Variants in OR51M1 observed in about 807,000 individuals in gnomAD.
OR51M1 encodes the protein olfactory receptor 51M1.
For missense variants in OR51M1, 509 were observed against 404.4 expected (o/e 1.26, Z -2.22); for synonymous variants, 199 against 155.1 (o/e 1.28, Z -2.10).
In OR51M1 at chr11:5,391,590, T is replaced by G. The variant is rs543157843; in HGVS notation, c.*1211T>G. On this transcript the variant is annotated 3_prime_UTR_variant, in exon 3 of 3. Transcript: ENST00000642046. ...AGAGCTAACAGAAGTTCTCTTCTTGTCTCGAGGAACTCCTCCTCTTCACAT... is the reference window on the plus strand; with the variant it reads ...AGAGCTAACAGAAGTTCTCTTCTTGGCTCGAGGAACTCCTCCTCTTCACAT... 7.9e-5 allele frequency: 12 copies of G among 152,336 alleles called. No homozygotes were observed. The highest frequency in any genetic ancestry group is 2.9e-4 in the African/African-American group (12 of 41,566). The allele number at this position is 152,336 out of a possible 1,614,324, so 9.4% of individuals were successfully genotyped here. A position where few individuals can be genotyped will look rare whatever the true frequency, so the allele number is the denominator to read the frequency against.
At position 5,393,148 on chromosome 11, in the gene OR51M1, T is replaced by C. The variant is rs1015386483; in HGVS notation, c.*2769T>C. 3.9e-5 allele frequency: 6 copies of C among 152,194 alleles called. No individual in the cohort carries two copies. The highest frequency in any genetic ancestry group is 1.4e-4 in the African/African-American group (6 of 41,456). 9.4% of individuals were successfully genotyped at this position (152,194 alleles called of 1,614,324 possible). On this transcript the variant is annotated 3_prime_UTR_variant, in exon 3 of 3. Coordinates refer to ENST00000642046, the MANE Select transcript of OR51M1 (RefSeq NM_001004756.3). ...GATGTAAGCTGTTTGTGGCAAAATT[T>C]TTTTCCTGTTTGCTCACAGTTCTAA... is the stretch of plus-strand genomic sequence containing the variant.
chr11:5,384,209 C>T (rs1849651507), intron 1 of OR51M1, among the ~76,000 whole-genome samples: 1 of 152,024 alleles, frequency 6.6e-6, no homozygotes, highest in African/African-American at 2.4e-5. Context: ...AGGTCTAGCT[C>T]TGTTACCCAG....
chr11:5,390,252 ATCT>A lies in OR51M1; in HGVS notation c.859_861del (p.Leu287del), dbSNP rs749099661. The A allele has an allele frequency of 2.5e-6, 4 of 1,613,946 alleles. No homozygotes were observed. Among genetic ancestry groups the A allele is most frequent in the South Asian group, 2.2e-5 (2 of 91,072 alleles). On this transcript the variant is annotated inframe_deletion, in exon 3 of 3. Coordinates refer to ENST00000642046, the MANE Select transcript of OR51M1 (RefSeq NM_001004756.3). ...GGGAAGCATGCCCCACCTGCTATTC[ATCT>A]TCTTATGGCCAATGTCTACCTTTTT... is the stretch of plus-strand genomic sequence containing the variant.
intron 2 of OR51M1, among the ~76,000 whole-genome samples, chr11:5,387,641 A>G (rs1250727805): frequency 2.0e-5 from 3 of 152,132 alleles, no homozygotes; most frequent in African/African-American, 7.2e-5. Context: ...TGCTTCCTCC[A>G]TTGAATATAC....
At position 5,384,637 on chromosome 11, in the gene OR51M1, G is replaced by A. The variant is rs150619539; in HGVS notation, c.-121-716G>A. 2.2e-3 allele frequency among the ~76,000 whole-genome samples: 329 copies of A among 152,240 alleles called. 10 individuals are homozygous for A. In the East Asian group the frequency reaches 0.052, roughly 24 times the overall value. On this transcript the variant is annotated intron_variant, in intron 1 of 2. Coordinates refer to ENST00000642046, the MANE Select transcript of OR51M1 (RefSeq NM_001004756.3). Reference sequence around the variant, plus strand: ...TCTGGTCTCTATACTCTTTCCTGCCGAGCCATCTGGTATACACACCCTCTC... The same window carrying A: ...TCTGGTCTCTATACTCTTTCCTGCCAAGCCATCTGGTATACACACCCTCTC...
intron 2 of OR51M1, among the ~76,000 whole-genome samples, chr11:5,388,465 G>A (rs1159444652): frequency 6.6e-6 from 1 of 150,726 alleles, no homozygotes; most frequent in Admixed American, 6.7e-5. Context: ...AAGTTAACTA[G>A]ACAAAGATTA....
chr11:5,385,960 A>T (rs1200067572), intron 2 of OR51M1, among the ~76,000 whole-genome samples: 1 of 149,654 alleles, frequency 6.7e-6, no homozygotes, highest in African/African-American at 2.4e-5. Flanking sequence ...ATATATCAAT[A>T]AGTATATATA....
At position 5,390,434 on chromosome 11, in the gene OR51M1, G is replaced by A; in HGVS notation, c.*55G>A. ...CTATAAGAAGGCCCCAAATTGGACTGAAAATTTGGAGTATTGAGTATATAG... is the reference window on the plus strand; with the variant it reads ...CTATAAGAAGGCCCCAAATTGGACTAAAAATTTGGAGTATTGAGTATATAG... On this transcript the variant is annotated 3_prime_UTR_variant, in exon 3 of 3. Transcript: ENST00000642046. 6.3e-6 allele frequency: 9 copies of A among 1,431,584 alleles called. No homozygotes were observed. Among genetic ancestry groups the A allele is most frequent in the South Asian group, 1.4e-5 (1 of 70,610 alleles). The allele number at this position is 1,431,584 out of a possible 1,614,324, so 88.7% of individuals were successfully genotyped here.
At chr11:5,387,206 G>A (rs1024368900) in intron 2 of OR51M1, among the ~76,000 whole-genome samples, 1 of 152,112 alleles carries the variant, frequency 6.6e-6, no homozygotes, top group Non-Finnish European at 1.5e-5. Context: ...AAGAGAACCA[G>A]CAGATCTTGG....
Position 5,390,141 on chromosome 11 carries a change from G to A in OR51M1, c.743G>A (p.Arg248His), listed in dbSNP as rs181392844. The A allele has an allele frequency of 1.3e-4, 204 of 1,613,784 alleles. No homozygotes were observed. In the Admixed American group the frequency reaches 2.8e-3, roughly 22 times the overall value. ...AGLASQEEQR[R>H]AFQTCTAPLC... ...CTGGCCTCCCAAGAGGAGCAGCGCCGTGCCTTTCAGACATGCACCGCTCCT... is the reference window on the plus strand; with the variant it reads ...CTGGCCTCCCAAGAGGAGCAGCGCCATGCCTTTCAGACATGCACCGCTCCT... The change falls in exon 3 of 3, where the codon CGT becomes CAT. Residue 248 changes from arginine to histidine, a missense_variant. Coordinates refer to ENST00000642046, the MANE Select transcript of OR51M1 (RefSeq NM_001004756.3).
In OR51M1 at chr11:5,390,971, A is replaced by G. The variant is rs1849786140; in HGVS notation, c.*592A>G. 6.6e-6 allele frequency: 1 copy of G among 152,430 alleles called. No homozygotes were observed. Among genetic ancestry groups the G allele is most frequent in the Non-Finnish European group, 1.5e-5 (1 of 68,266 alleles). The allele number at this position is 152,430 out of a possible 1,614,324, so 9.4% of individuals were successfully genotyped here. On this transcript the variant is annotated 3_prime_UTR_variant, in exon 3 of 3. Transcript: ENST00000642046. ...TAAGGTTGTGCTCTCTCCTGACCAT[A>G]TTCCTCTAGAAGAAGAGACTTTGAT...
rs116535306 is a variant in OR51M1 at position 5,389,416 on chromosome 11, G to A, written c.18G>A (p.Ser6=). The change falls in exon 3 of 3, where the codon TCG becomes TCA. Residue 6 remains serine, a synonymous_variant. Coordinates refer to ENST00000642046, the MANE Select transcript of OR51M1 (RefSeq NM_001004756.3). Reference sequence around the variant, plus strand: ...CCCGAGGAATGTCAGTCCAATATTCGCTCAGTCCTCAATTCATGCTGCTAT... The same window carrying A: ...CCCGAGGAATGTCAGTCCAATATTCACTCAGTCCTCAATTCATGCTGCTAT... MSVQY[S]LSPQFMLLSN... is the part of the protein sequence containing the mutation. The A allele has an allele frequency of 3.8e-5, 61 of 1,613,070 alleles. No homozygotes were observed. In the East Asian group the frequency reaches 8.9e-4, roughly 24 times the overall value.
At chr11:5,389,186 T>C (rs1488554165) in intron 2 of OR51M1, among the ~76,000 whole-genome samples, 198 bp from the exon 3 acceptor site, 2 of 152,032 alleles carry the variant, frequency 1.3e-5, no homozygotes, top group Non-Finnish European at 2.9e-5. Flanking sequence ...AGAGAGGAAC[T>C]GAAATAATTG....
intron 2 of OR51M1, among the ~76,000 whole-genome samples, chr11:5,386,029 A>G (rs544065707): frequency 6.6e-6 from 1 of 151,858 alleles, no homozygotes; most frequent in South Asian, 2.1e-4. Flanking sequence ...CATTACAGGT[A>G]CTACGTGAGA....
Position 5,392,441 on chromosome 11 carries a change from C to A in OR51M1, c.*2062C>A, listed in dbSNP as rs1268459236. 1 of 152,312 alleles carries A rather than the reference C, an allele frequency of 6.6e-6. No individual in the cohort carries two copies. Among genetic ancestry groups the A allele is most frequent in the East Asian group, 1.9e-4 (1 of 5,186 alleles). 9.4% of individuals were successfully genotyped at this position (152,312 alleles called of 1,614,324 possible). A position where few individuals can be genotyped will look rare whatever the true frequency, so the allele number is the denominator to read the frequency against. On this transcript the variant is annotated 3_prime_UTR_variant, in exon 3 of 3. Coordinates refer to ENST00000642046, the MANE Select transcript of OR51M1 (RefSeq NM_001004756.3). ...TTTAGGATTTGGATTTAGATTAGCA[C>A]TGAAGTCCCATTTTGCCTCTTATTA...
At chr11:5,384,210 T>C (rs1296588686) in intron 1 of OR51M1, among the ~76,000 whole-genome samples, 1 of 152,194 alleles carries the variant, frequency 6.6e-6, no homozygotes, top group African/African-American at 2.4e-5. Flanking sequence ...GGTCTAGCTC[T>C]GTTACCCAGG....
intron 2 of OR51M1, among the ~76,000 whole-genome samples, chr11:5,385,714 A>G (rs11604144): frequency 2.0e-5 from 3 of 150,600 alleles, no homozygotes; most frequent in East Asian, 1.9e-4. Flanking sequence ...CAAAGTATAT[A>G]TATGTGTACA....
rs184988774 is a variant in OR51M1 at position 5,386,221 on chromosome 11, T to C, written c.-16+763T>C. Among the ~76,000 whole-genome samples the C allele has an allele frequency of 2.6e-4, 39 of 151,498 alleles. No homozygotes were observed. The East Asian group carries it at 6.8e-3, about 27-fold the overall frequency. On this transcript the variant is annotated intron_variant, in intron 2 of 2. Coordinates refer to ENST00000642046, the MANE Select transcript of OR51M1 (RefSeq NM_001004756.3). ...AAACAAGAAAAGTATGTGTAGGGAA[T>C]TGAAGAAAAAAATGATATGGGTGTG...
chr11:5,386,098 G>A (rs1015955518), intron 2 of OR51M1, among the ~76,000 whole-genome samples: 2 of 152,122 alleles, frequency 1.3e-5, no homozygotes, highest in East Asian at 1.9e-4. Context: ...GACAGAAGAA[G>A]TGATATTTGT....
Sources: allele counts gnomAD v4.1 joint callset (sites outside exome capture counted in the v4.1 genomes callset), GRCh38; gene constraint gnomAD v4.1.1; transcripts MANE v1.5; gene names NCBI Gene and HGNC (gene_info 2026-07-23, HGNC 2026-07-21).